CDHR1: variants seen among roughly 807,000 people sequenced by gnomAD.
CDHR1 encodes cadherin related family member 1, also known as cadherin-related family member 1.
In CDHR1, 61 loss-of-function variants were observed where a neutral mutation model predicts 72.1. That is an observed-to-expected ratio of 0.85 (90% CI 0.69 to 1.05). The LOEUF is 1.05. Ranked by LOEUF, CDHR1 falls within the 50% of genes least tolerant of loss-of-function variation. The pLI is 0.00. For missense variants in CDHR1, 1,186 were observed against 1,115.7 expected, an observed-to-expected ratio of 1.06 and a Z score of -0.90; for synonymous variants, 470 against 448.1, an observed-to-expected ratio of 1.05 and a Z score of -0.62.
rs773136967 is a variant in CDHR1, at chr10:84,208,359, C to T, written c.1149C>T (p.Thr383=). ...QGEILRGLKI[T]VNDSDQGANA... ...AGATCCTGCGGGGCCTCAAGATCAC[C>T]GTCAATGACTCCGACCAGGTGTGTG... Residue 383 remains threonine, a synonymous_variant, in exon 11 of 17, where the codon ACC becomes ACT. Transcript: ENST00000623527. The T allele has an allele frequency of 1.1e-5, 17 of 1,614,024 alleles. No individual in the cohort carries two copies. Among genetic ancestry groups the T allele is most frequent in the Admixed American group, 1.0e-4 (6 of 59,990 alleles).
In CDHR1 at chr10:84,216,653, C is replaced by G; in HGVS notation, c.*2032C>G. 1.0e-6 allele frequency: 1 copy of G among 985,500 alleles called. No individual in the cohort carries two copies. Among genetic ancestry groups the G allele is most frequent in the Non-Finnish European group, 1.2e-6 (1 of 829,948 alleles). The allele number at this position is 985,500 out of a possible 1,614,324, so 61.0% of individuals were successfully genotyped here. A position where few individuals can be genotyped will look rare whatever the true frequency, so the allele number is the denominator to read the frequency against. On this transcript the variant is annotated 3_prime_UTR_variant, in exon 17 of 17. Coordinates refer to ENST00000623527, the MANE Select transcript of CDHR1 (RefSeq NM_033100.4). ...GCAGGTGGATCCATTCTTCGACCCC[C>G]AGATGTGACTCTAAAGAAGGCTGAA...
chr10:84,216,080 C>T lies in CDHR1; in HGVS notation c.*1459C>T. 1.0e-6 allele frequency: 1 copy of T among 985,432 alleles called. No homozygotes were observed. The highest frequency in any genetic ancestry group is 1.2e-6 in the Non-Finnish European group (1 of 829,942). The allele number at this position is 985,432 out of a possible 1,614,324, so 61.0% of individuals were successfully genotyped here. A position where few individuals can be genotyped will look rare whatever the true frequency, so the allele number is the denominator to read the frequency against. Reference sequence around the variant, plus strand: ...TCATACAAGGCCTCTGGGGTTAATACAAATAGGTTGTGCCCTGCTTTAAGG... The same window carrying T: ...TCATACAAGGCCTCTGGGGTTAATATAAATAGGTTGTGCCCTGCTTTAAGG... On this transcript the variant is annotated 3_prime_UTR_variant, in exon 17 of 17. Transcript: ENST00000623527.
At chr10:84,203,350 C>T (rs1051099104) in intron 8 of CDHR1, among the ~76,000 whole-genome samples, 2 of 152,194 alleles carry the variant, frequency 1.3e-5, no homozygotes, top group Admixed American at 6.5e-5. Flanking sequence ...CCAGGCCTCG[C>T]TAGGCTACAG....
chr10:84,209,093 G>A (rs965395833), intron 12 of CDHR1, among the ~76,000 whole-genome samples: 1 of 152,212 alleles, frequency 6.6e-6, no homozygotes, highest in African/African-American at 2.4e-5. Flanking sequence ...CCCCAGGAAT[G>A]CAGGTGGTGG....
Position 84,208,298 on chromosome 10 carries a change from T to C in CDHR1, c.1088T>C (p.Phe363Ser). The C allele has an allele frequency of 6.2e-7, 1 of 1,613,992 alleles. No individual in the cohort carries two copies. Among genetic ancestry groups the C allele is most frequent in the East Asian group, 2.2e-5 (1 of 44,838 alleles). Residue 363 changes from phenylalanine to serine, a missense_variant, in exon 11 of 17, where the codon TTT becomes TCT. Transcript: ENST00000623527. The stretch of plus-strand genomic sequence containing the variant: ...GGAGAGAGCGGACCCCAAAACAGGT[T>C]TGAGCTGTCCATGAATGAGCACCCA... Reference protein sequence around the residue: ...FYGESGPQNRFELSMNEHPPQ... With the variant: ...FYGESGPQNRSELSMNEHPPQ...
intron 3 of CDHR1, 40 bp downstream of exon 3, chr10:84,196,690 G>A (rs368368062): frequency 3.1e-6 from 5 of 1,612,876 alleles, no homozygotes; most frequent in Non-Finnish European, 4.2e-6. Flanking sequence ...GCCACTGCCT[G>A]TAGACAGACC....
intron 2 of CDHR1, among the ~76,000 whole-genome samples, chr10:84,195,942 T>C (rs1174604022): frequency 1.3e-5 from 2 of 152,220 alleles, no homozygotes; most frequent in Non-Finnish European, 1.5e-5. Context: ...TGCTGAGATA[T>C]GCAGAGAGAG....
intron 16 of CDHR1, 100 bp downstream of exon 16, chr10:84,213,448 C>T (rs190628264): frequency 9.8e-5 from 147 of 1,496,266 alleles, no homozygotes; most frequent in Non-Finnish European, 9.6e-5. Flanking sequence ...AGGCTTCCTC[C>T]AAAAGACACT....
chr10:84,198,330 A>T (rs1043176320), intron 4 of CDHR1, among the ~76,000 whole-genome samples: 1 of 152,132 alleles, frequency 6.6e-6, no homozygotes, highest in African/African-American at 2.4e-5. Flanking sequence ...AGCACTAACA[A>T]CTGGCCTCCG....
In CDHR1 at chr10:84,201,837, C is replaced by T. The variant is rs147420731; in HGVS notation, c.556C>T (p.His186Tyr). The T allele has an allele frequency of 1.8e-3, 2,861 of 1,610,500 alleles. 2 individuals are homozygous for T. Among genetic ancestry groups the T allele is most frequent in the Non-Finnish European group, 2.3e-3 (2,665 of 1,180,014 alleles). Reference sequence around the variant, plus strand: ...GCACTCCCCATTTGCCGTGGACCGCCACAGCGGTGTGCTGCGCCTCCAGGC... The same window carrying T: ...GCACTCCCCATTTGCCGTGGACCGCTACAGCGGTGTGCTGCGCCTCCAGGC... The part of the protein sequence containing the change: ...NLHSPFAVDR[H>Y]SGVLRLQAGA... Residue 186 changes from histidine to tyrosine, a missense_variant, in exon 7 of 17, where the codon CAC (histidine) becomes TAC (tyrosine). Coordinates refer to ENST00000623527, the MANE Select transcript of CDHR1 (RefSeq NM_033100.4).
intron 9 of CDHR1, among the ~76,000 whole-genome samples, chr10:84,205,481 A>G (rs1301911053): frequency 7.0e-6 from 1 of 143,608 alleles, no homozygotes; most frequent in African/African-American, 2.6e-5. Context: ...TCCGTCTCTC[A>G]CTGTATGTCC....
Position 84,204,536 on chromosome 10 carries a change from G to T in CDHR1, c.793G>T (p.Val265Leu), listed in dbSNP as rs745363286. ...TTCCTGTTTCCCCGAGGGCTCGGAG[G>T]TACTGAAGGTGGTCGCCATGGATGG... ...VYEDTLPGSE[V>L]LKVVAMDGDR... Residue 265 changes from valine to leucine, a missense_variant, in exon 9 of 17, where the codon GTA becomes TTA. Coordinates refer to ENST00000623527, the MANE Select transcript of CDHR1 (RefSeq NM_033100.4). 1.9e-5 allele frequency: 31 copies of T among 1,612,610 alleles called. No individual in the cohort carries two copies. The highest frequency in any genetic ancestry group is 3.3e-4 in the Middle Eastern group (2 of 6,060).
At position 84,218,517 on chromosome 10, in the gene CDHR1, G is replaced by C; in HGVS notation, c.*3896G>C. 1.0e-6 allele frequency: 1 copy of C among 985,424 alleles called. No individual in the cohort carries two copies. Among genetic ancestry groups the C allele is most frequent in the South Asian group, 4.7e-5 (1 of 21,288 alleles). The allele number at this position is 985,424 out of a possible 1,614,324, so 61.0% of individuals were successfully genotyped here. A position where few individuals can be genotyped will look rare whatever the true frequency, so the allele number is the denominator to read the frequency against. The stretch of plus-strand genomic sequence containing the variant: ...ATGTCTCTAACAAGATAGAAGGAAA[G>C]AAGAAAAGAAAAAGAACAACATTCC... On this transcript the variant is annotated 3_prime_UTR_variant, in exon 17 of 17. Transcript: ENST00000623527.
At chr10:84,219,108 T>G, downstream of CDHR1, 1 of 1,312,616 alleles carries the variant, frequency 7.6e-7, no homozygotes, top group Non-Finnish European at 1.1e-6. Flanking sequence ...TGAAAAATAG[T>G]AACTTCCCTG....
At chr10:84,205,980 A>G in intron 10 of CDHR1, 53 bp downstream of exon 10, 1 of 1,397,106 alleles carries the variant, frequency 7.2e-7, no homozygotes, top group South Asian at 1.2e-5. Context: ...CTGGAAGTCT[A>G]TAAAGGTGAA....
chr10:84,214,519 G>A lies in CDHR1; in HGVS notation c.2478G>A (p.Pro826=), dbSNP rs2132838174. 1 of 1,603,752 alleles carries A rather than the reference G, an allele frequency of 6.2e-7. No homozygotes were observed. Among genetic ancestry groups the A allele is most frequent in the Middle Eastern group, 1.7e-4 (1 of 6,060 alleles). The change falls in exon 17 of 17, where the codon CCG becomes CCA. Residue 826 remains proline, a synonymous_variant. Transcript: ENST00000623527. The part of the protein sequence containing the change: ...GSLTPQPTQP[P]PKPKTMGSPV... Reference sequence around the variant, plus strand: ...TCACTCCGCAGCCGACCCAACCCCCGCCAAAACCCAAAACTATGGGAAGCC... The same window carrying A: ...TCACTCCGCAGCCGACCCAACCCCCACCAAAACCCAAAACTATGGGAAGCC...
chr10:84,213,715 C>G (rs566802798), intron 16 of CDHR1, among the ~76,000 whole-genome samples: 14 of 152,226 alleles, frequency 9.2e-5, no homozygotes, highest in African/African-American at 3.4e-4. Flanking sequence ...GGCAGATGGA[C>G]CCCCTCCCCC....
intron 1 of CDHR1, 104 bp from the exon 2 acceptor site, chr10:84,195,390 C>T (rs1453431703): frequency 1.9e-6 from 2 of 1,075,224 alleles, no homozygotes; most frequent in Non-Finnish European, 2.8e-6. Context: ...CGCCCTCCTG[C>T]CCAGTAGCTG....
chr10:84,219,367 C>T (rs937127947), downstream of CDHR1: 4 of 1,504,674 alleles, frequency 2.7e-6, no homozygotes, highest in Non-Finnish European at 3.6e-6. Flanking sequence ...CTTCCCTACC[C>T]ACCAACATGC....
Sources: allele counts gnomAD v4.1 joint callset (sites outside exome capture counted in the v4.1 genomes callset), GRCh38; gene constraint gnomAD v4.1.1; transcripts MANE v1.5; gene names NCBI Gene and HGNC (gene_info 2026-07-23, HGNC 2026-07-21).